ATP4A: variants seen among roughly 807,000 people sequenced by gnomAD.
ATP4A encodes the protein potassium-transporting ATPase alpha chain 1.
A neutral mutation model predicts 112.1 loss-of-function variants in ATP4A; 73 were observed. The observed-to-expected ratio is 0.65, with a 90% CI of 0.54 to 0.79. ATP4A has a LOEUF of 0.79. ATP4A is among the 30% of genes least tolerant of loss of function. The pLI is 0.00. For synonymous variants in ATP4A, 588 were observed against 588.9 expected, an observed-to-expected ratio of 1.00 and a Z score of 0.02; for missense variants, 1,081 against 1,425.9, an observed-to-expected ratio of 0.76 and a Z score of 3.90.
In ATP4A at chr19:35,555,866, G is replaced by A. The variant is rs547752227; in HGVS notation, c.1870-54C>T. The A allele has an allele frequency of 2.6e-6, 4 of 1,553,570 alleles. No homozygotes were observed. In the South Asian group the frequency reaches 4.7e-5, roughly 18 times the overall value. On this transcript the variant is annotated intron_variant, in intron 12 of 21. Transcript: ENST00000262623. The surrounding 1 kb of genome is among the most constrained non-coding windows in gnomAD (Gnocchi z 6.6). ...CCCTTCAGATCAGCCCAATCTCCCT[G>A]TCCTCCCTGGGAGACATCTGCTGAT...
Position 35,557,564 on chromosome 19 carries a change from G to A in ATP4A, c.1693+91C>T. On this transcript the variant is annotated intron_variant, in intron 11 of 21. Coordinates refer to ENST00000262623, the MANE Select transcript of ATP4A (RefSeq NM_000704.3). This position sits in a 1 kb window ranked among gnomAD's most constrained non-coding sequence, Gnocchi z 4.4. ...CAAATCAGCCAGCAGCCAGGGATGA[G>A]GACGGTCAGGGCTGGGCCGGGAGTG... is the stretch of plus-strand genomic sequence containing the variant. 7.0e-7 allele frequency: 1 copy of A among 1,429,540 alleles called. No homozygotes were observed. 88.6% of individuals were successfully genotyped at this position (1,429,540 alleles called of 1,614,324 possible).
Position 35,555,677 on chromosome 19 carries a change from T to G in ATP4A, c.2005A>C (p.Lys669Gln), listed in dbSNP as rs1317597726. Reference sequence around the variant, plus strand: ...CCGGGGAGGTCTGGGGGGGCTTACTTGCGATTAACCTGGTCTACGGGCACA... The same window carrying G: ...CCGGGGAGGTCTGGGGGGGCTTACTGGCGATTAACCTGGTCTACGGGCACA... Reference protein sequence around the residue: ...LRVPVDQVNRKDARACVINGM... With the variant: ...LRVPVDQVNRQDARACVINGM... The change falls in exon 13 of 22, where the codon AAG becomes CAG. Residue 669 changes from lysine (K) to glutamine (Q), a missense_variant and splice_region_variant. Transcript: ENST00000262623. The surrounding 1 kb of genome is among the most constrained non-coding windows in gnomAD (Gnocchi z 6.6). 6.3e-7 allele frequency: 1 copy of G among 1,598,748 alleles called. No homozygotes were observed. The highest frequency in any genetic ancestry group is 1.1e-5 in the South Asian group (1 of 90,644).
Position 35,558,742 on chromosome 19 carries a change from C to G in ATP4A, c.1256-56G>C, listed in dbSNP as rs2071648974. 2.0e-6 allele frequency: 3 copies of G among 1,503,394 alleles called. No homozygotes were observed. Among genetic ancestry groups the G allele is most frequent in the Non-Finnish European group, 2.7e-6 (3 of 1,119,874 alleles). The allele number at this position is 1,503,394 out of a possible 1,614,324, so 93.1% of individuals were successfully genotyped here. A position where few individuals can be genotyped will look rare whatever the true frequency, so the allele number is the denominator to read the frequency against. On this transcript the variant is annotated intron_variant, in intron 8 of 21. Transcript: ENST00000262623. This position sits in a 1 kb window ranked among gnomAD's most constrained non-coding sequence, Gnocchi z 5.1. ...CACGGCGGCTCTCCCGGACCAGAAC[C>G]GAGCCCCCTCCTCCTAGGCTCATAT...
At chr19:35,562,378 A>C (rs894581380) in intron 4 of ATP4A, 57 bp downstream of exon 4, 95 of 1,569,022 alleles carry the variant, frequency 6.1e-5, no homozygotes, top group Non-Finnish European at 7.8e-5. Flanking sequence ...TCCCAGGCTC[A>C]GTGTCTTCCA....
chr19:35,557,636 C>A lies in ATP4A; in HGVS notation c.1693+19G>T, dbSNP rs755944739. On this transcript the variant is annotated intron_variant, in intron 11 of 21. Transcript: ENST00000262623. This position sits in a 1 kb window ranked among gnomAD's most constrained non-coding sequence, Gnocchi z 4.4. ...TCCTCCTCGCACCTGGAGTCTCCTC[C>A]CCTGCCCAGGGGTCTCACCGAGCAC... The A allele has an allele frequency of 2.5e-6, 4 of 1,595,074 alleles. No individual in the cohort carries two copies. The Admixed American group carries it at 6.9e-5, about 27-fold the overall frequency.
At position 35,557,062 on chromosome 19, in the gene ATP4A, T is replaced by C; in HGVS notation, c.1720A>G (p.Lys574Glu). The C allele has an allele frequency of 1.2e-6, 2 of 1,614,136 alleles. No homozygotes were observed. Among genetic ancestry groups the C allele is most frequent in the Non-Finnish European group, 1.7e-6 (2 of 1,180,028 alleles). Reference sequence around the variant, plus strand: ...AAGGCATAGCCAGGCGGGTAGTCCTTCTCATTCAGGTAGAGCTGGCAGAAG... The same window carrying C: ...AAGGCATAGCCAGGCGGGTAGTCCTCCTCATTCAGGTAGAGCTGGCAGAAG... ...LGFCQLYLNEKDYPPGYAFDV... is the reference protein window; with the variant it reads ...LGFCQLYLNEEDYPPGYAFDV... The change falls in exon 12 of 22, where the codon AAG becomes GAG. Residue 574 changes from lysine to glutamate, a missense_variant. Coordinates refer to ENST00000262623, the MANE Select transcript of ATP4A (RefSeq NM_000704.3). The surrounding 1 kb of genome is among the most constrained non-coding windows in gnomAD (Gnocchi z 4.4).
At position 35,562,601 on chromosome 19, in the gene ATP4A, C is replaced by A. The variant is rs752289225; in HGVS notation, c.254G>T (p.Arg85Leu). 9 of 1,609,158 alleles carry A rather than the reference C, an allele frequency of 5.6e-6. No individual in the cohort carries two copies. Among genetic ancestry groups the A allele is most frequent in the Admixed American group, 1.7e-5 (1 of 59,308 alleles). Residue 85 changes from arginine (R) to leucine (L), a missense_variant, in exon 4 of 22, where the codon CGG becomes CTG. By Grantham distance (102) the Arg-to-Leu change is moderately radical. Around this residue, in one of 3 missense-constraint regions of ATP4A, gnomAD observed 850 missense variants for 1,068.2 expected, o/e 0.80. Coordinates refer to ENST00000262623, the MANE Select transcript of ATP4A (RefSeq NM_000704.3). Reference protein sequence around the residue: ...SASLAAELLLRDGPNALRPPR... With the variant: ...SASLAAELLLLDGPNALRPPR... Reference sequence around the variant, plus strand: ...TGGCCGCAGTGCGTTGGGCCCATCCCGCAGCAGCAGCTCAGCAGCCAGGCT... The same window carrying A: ...TGGCCGCAGTGCGTTGGGCCCATCCAGCAGCAGCAGCTCAGCAGCCAGGCT...
chr19:35,562,546 G>T lies in ATP4A; in HGVS notation c.309C>A (p.Phe103Leu), dbSNP rs10422358. 6.2e-7 allele frequency: 1 copy of T among 1,613,040 alleles called. No homozygotes were observed. The highest frequency in any genetic ancestry group is 1.1e-5 in the South Asian group (1 of 90,900). Residue 103 changes from phenylalanine (F) to leucine (L), a missense_variant, in exon 4 of 22, where the codon TTC becomes TTA. By Grantham distance (22) the Phe-to-Leu change is conservative. Coordinates refer to ENST00000262623, the MANE Select transcript of ATP4A (RefSeq NM_000704.3). ...PPRGTPEYVK[F>L]ARQLAGGLQC... ...GCAGGCCCCCGGCCAGCTGCCTCGC[G>T]AACTTGACGTACTCTGGGGTGCCCC...
Position 35,558,812 on chromosome 19 carries a change from A to G in ATP4A, c.1256-126T>C, listed in dbSNP as rs866603669. ...CCTGGGTGGAATTGGGTTCCACCCA[A>G]CCCTGAGGGACCCAGCCCCCGGATG... On this transcript the variant is annotated intron_variant, in intron 8 of 21. Transcript: ENST00000262623. This position sits in a 1 kb window ranked among gnomAD's most constrained non-coding sequence, Gnocchi z 5.1. The G allele has an allele frequency of 1.3e-5, 16 of 1,245,960 alleles. No individual in the cohort carries two copies. In the Middle Eastern group the frequency reaches 6.6e-4, roughly 51 times the overall value. The allele number at this position is 1,245,960 out of a possible 1,614,324, so 77.2% of individuals were successfully genotyped here. A position where few individuals can be genotyped will look rare whatever the true frequency, so the allele number is the denominator to read the frequency against.
intron 17 of ATP4A, 37 bp downstream of exon 17, chr19:35,553,669 C>T (rs757774818): frequency 6.2e-7 from 1 of 1,609,288 alleles, no homozygotes; most frequent in Non-Finnish European, 8.5e-7. Context: ...AGCGCAGAGC[C>T]CCCCACCTCC....
Position 35,558,795 on chromosome 19 carries a change from G to A in ATP4A, c.1256-109C>T. 2 of 1,324,800 alleles carry A rather than the reference G, an allele frequency of 1.5e-6. No homozygotes were observed. The highest frequency in any genetic ancestry group is 2.5e-5 in the East Asian group (1 of 39,814). 82.1% of individuals were successfully genotyped at this position (1,324,800 alleles called of 1,614,324 possible). A position where few individuals can be genotyped will look rare whatever the true frequency, so the allele number is the denominator to read the frequency against. On this transcript the variant is annotated intron_variant, in intron 8 of 21. Coordinates refer to ENST00000262623, the MANE Select transcript of ATP4A (RefSeq NM_000704.3). The surrounding 1 kb of genome is among the most constrained non-coding windows in gnomAD (Gnocchi z 5.1). ...CGGGCCCCCTCCCCAGACCTGGGTG[G>A]AATTGGGTTCCACCCAACCCTGAGG...
chr19:35,558,303 G>A lies in ATP4A; in HGVS notation c.1500+59C>T. 2 of 1,559,148 alleles carry A rather than the reference G, an allele frequency of 1.3e-6. No individual in the cohort carries two copies. Among genetic ancestry groups the A allele is most frequent in the Non-Finnish European group, 1.7e-6 (2 of 1,151,202 alleles). ...CCTCGTGGCCCGCTGATGTGGGTGT[G>A]GCCTGGGGCGGGGCCCGAGGTGGGC... On this transcript the variant is annotated intron_variant, in intron 10 of 21. Transcript: ENST00000262623. The surrounding 1 kb of genome is among the most constrained non-coding windows in gnomAD (Gnocchi z 5.1).
rs1459305746 is a variant in ATP4A, at chr19:35,557,904, ACGAGGGAACG to A, written c.1501-67_1501-58del. On this transcript the variant is annotated intron_variant, in intron 10 of 21. Transcript: ENST00000262623. This position sits in a 1 kb window ranked among gnomAD's most constrained non-coding sequence, Gnocchi z 4.4. ...ACGGGGGAACGGGGCGGGGCTGTGG[ACGAGGGAACG>A]GGGCGGGGCTGAGGAGAGGGGCGGG... The A allele has an allele frequency of 8.1e-6, 5 of 614,578 alleles. No homozygotes were observed. Among genetic ancestry groups the A allele is most frequent in the East Asian group, 1.1e-4 (2 of 18,314 alleles). The allele number at this position is 614,578 out of a possible 1,614,324, so 38.1% of individuals were successfully genotyped here.
In ATP4A at chr19:35,556,998, C is replaced by T. The variant is rs142820986; in HGVS notation, c.1784G>A (p.Cys595Tyr). ...EAMNFPSSGL[C>Y]FAGLVSMIDP... ...AATCATGGATACAAGTCCCGCAAAG[C>T]AGAGGCCGCTAGATGGAAAGTTCAT... The change falls in exon 12 of 22, where the codon TGC (cysteine) becomes TAC (tyrosine). Residue 595 changes from cysteine to tyrosine, a missense_variant. By Grantham distance (194) the Cys-to-Tyr change is radical (BLOSUM62 -2). Transcript: ENST00000262623. 2.5e-6 allele frequency: 4 copies of T among 1,614,080 alleles called. No homozygotes were observed. Among genetic ancestry groups the T allele is most frequent in the African/African-American group, 1.3e-5 (1 of 74,928 alleles).
chr19:35,555,668 G>A lies in ATP4A; in HGVS notation c.2006+8C>T. 1.3e-6 allele frequency: 2 copies of A among 1,596,462 alleles called. No homozygotes were observed. The highest frequency in any genetic ancestry group is 2.2e-5 in the South Asian group (2 of 90,452). On this transcript the variant is annotated splice_region_variant and intron_variant, in intron 13 of 21. Transcript: ENST00000262623. The surrounding 1 kb of genome is among the most constrained non-coding windows in gnomAD (Gnocchi z 6.6). ...GGGAGAACCCCGGGGAGGTCTGGGG[G>A]GGCTTACTTGCGATTAACCTGGTCT...
intron 17 of ATP4A, 70 bp from the exon 18 acceptor site, chr19:35,553,252 C>T (rs2071611804): frequency 1.1e-5 from 17 of 1,512,630 alleles, no homozygotes; most frequent in African/African-American, 1.4e-5. Context: ...AAGAGAGGGA[C>T]ATGGAGAGAC....
chr19:35,554,935 A>G lies in ATP4A; in HGVS notation c.2468T>C (p.Leu823Pro). 1 of 1,614,104 alleles carries G rather than the reference A, an allele frequency of 6.2e-7. No individual in the cohort carries two copies. ...LGCITILFIE[L>P]CTDIFPSVSL... ...CTGTGGACTTACAATGTCAGTGCAG[A>G]GTTCGATGAAGAGGATGGTGATGCA... The change falls in exon 16 of 22, where the codon CTC becomes CCC. Residue 823 changes from leucine (L) to proline (P), a missense_variant. This residue lies in a region of ATP4A where 219 missense variants were observed against 320.9 expected (regional missense o/e 0.68). Coordinates refer to ENST00000262623, the MANE Select transcript of ATP4A (RefSeq NM_000704.3).
chr19:35,560,366 C>G lies in ATP4A; in HGVS notation c.784G>C (p.Glu262Gln). 6.2e-7 allele frequency: 1 copy of G among 1,613,656 alleles called. No individual in the cohort carries two copies. The highest frequency in any genetic ancestry group is 8.5e-7 in the Non-Finnish European group (1 of 1,179,902). ...GGCAGGCGGGGGCTTCACAGACCCTCAAGGCACATGGTGGAGAAGAAGGCG... is the reference window on the plus strand; with the variant it reads ...GGCAGGCGGGGGCTTCACAGACCCTGAAGGCACATGGTGGAGAAGAAGGCG... ...NIAFFSTMCLEGTVQGLVVNT... is the reference protein window; with the variant it reads ...NIAFFSTMCLQGTVQGLVVNT... Residue 262 changes from glutamate to glutamine, a missense_variant, in exon 6 of 22, where the codon GAG becomes CAG. By Grantham distance (29) the Glu-to-Gln change is conservative (BLOSUM62 2). Coordinates refer to ENST00000262623, the MANE Select transcript of ATP4A (RefSeq NM_000704.3). This position sits in a 1 kb window ranked among gnomAD's most constrained non-coding sequence, Gnocchi z 5.1.
At position 35,555,330 on chromosome 19, in the gene ATP4A, G is replaced by A. The variant is rs145835787; in HGVS notation, c.2162C>T (p.Ala721Val). 1.3e-5 allele frequency: 21 copies of A among 1,612,722 alleles called. No individual in the cohort carries two copies. The African/African-American group carries it at 1.7e-4, about 13-fold the overall frequency. ...ACCATCCCCCGTGACGGCCACAATC[G>A]CACCCTGCAGGCAGTGGGTGCAGGT... Reference protein sequence around the residue: ...VIVESCQRLGAIVAVTGDGVN... With the variant: ...VIVESCQRLGVIVAVTGDGVN... Residue 721 changes from alanine (A) to valine (V), a missense_variant, in exon 15 of 22, where the codon GCG becomes GTG. By Grantham distance (64) the Ala-to-Val change is moderately conservative (BLOSUM62 0). Coordinates refer to ENST00000262623, the MANE Select transcript of ATP4A (RefSeq NM_000704.3). This position sits in a 1 kb window ranked among gnomAD's most constrained non-coding sequence, Gnocchi z 6.6.
Sources: allele counts gnomAD v4.1 joint callset, GRCh38; gene constraint gnomAD v4.1.1; regional missense constraint gnomAD v4.1.1; non-coding constraint Gnocchi (gnomAD v3.1); transcripts MANE v1.5; gene names NCBI Gene and HGNC (gene_info 2026-07-23, HGNC 2026-07-21).